Variants in DHX33 observed in about 807,000 individuals in gnomAD.
The protein encoded by DHX33 is ATP-dependent RNA helicase DHX33.
Under a neutral mutation model 72.5 loss-of-function variants are expected in DHX33, and 42 were observed. The observed-to-expected ratio is 0.58, with a 90% CI of 0.45 to 0.75. The LOEUF (loss-of-function observed/expected upper bound fraction) is 0.75. DHX33 is among the 30% of genes least tolerant of loss of function. The pLI is 0.00. For missense variants in DHX33, 842 were observed against 917.5 expected, an observed-to-expected ratio of 0.92 and a Z score of 1.06; for synonymous variants, 358 against 366.1, an observed-to-expected ratio of 0.98 and a Z score of 0.25.
rs765673659 is a variant in DHX33 at position 5,468,752 on chromosome 17, C to A, written c.108G>T (p.Leu36=). ...FPPGRQVVML[L]TAGSGGRGGG... is the part of the protein sequence containing the mutation. ...CTCCTCTGCCGCCGCTGCCCGCAGT[C>A]AGCAGCATCACCACTTGCCTCCCGG... Residue 36 remains leucine, a synonymous_variant, in exon 1 of 12, where the codon CTG becomes CTT. Coordinates refer to ENST00000225296, the MANE Select transcript of DHX33 (RefSeq NM_020162.4). The A allele has an allele frequency of 3.0e-5, 48 of 1,611,024 alleles. 1 individual carries two copies. In the Admixed American group the frequency reaches 7.0e-4, roughly 24 times the overall value.
intron 4 of DHX33, among the ~76,000 whole-genome samples, chr17:5,456,730 A>C (rs187097615): frequency 1.1e-4 from 17 of 152,366 alleles, no homozygotes; most frequent in African/African-American, 3.1e-4. Context: ...GCAAGCAAAT[A>C]AAATCTGCAT....
In DHX33 at chr17:5,468,965, C is replaced by CA; in HGVS notation, c.-107_-106insT. ...CCCCTTCCTCGCCGCCACGTGCTGGCGGCTCCCGGCGACCACCGATGACCT... is the reference window on the plus strand; with the variant it reads ...CCCCTTCCTCGCCGCCACGTGCTGGCAGGCTCCCGGCGACCACCGATGACCT... On this transcript the variant is annotated 5_prime_UTR_variant, in exon 1 of 12. Transcript: ENST00000225296. 3 of 748,206 alleles carry CA rather than the reference C, an allele frequency of 4.0e-6. No homozygotes were observed. The highest frequency in any genetic ancestry group is 1.8e-5 in the South Asian group (1 of 54,964). The allele number at this position is 748,206 out of a possible 1,614,324, so 46.3% of individuals were successfully genotyped here.
Position 5,450,358 on chromosome 17 carries a change from TG to T in DHX33, c.1572del (p.Ile525LeufsTer36), listed in dbSNP as rs781717179. 28 of 1,613,986 alleles carry T rather than the reference TG, an allele frequency of 1.7e-5. No individual in the cohort carries two copies. Among genetic ancestry groups the T allele is most frequent in the Non-Finnish European group, 2.4e-5 (28 of 1,180,040 alleles). Reference sequence around the variant, plus strand: ...CTGTCCACAGACAGCAGGGAGACAATGGTCAGGATCTCCTCTGTACAGTGGA... The same window carrying T: ...CTGTCCACAGACAGCAGGGAGACAATGTCAGGATCTCCTCTGTACAGTGGA... The part of the protein sequence containing the change: ...PKFHCTEEIL[T>X]IVSLLSVDSV... On this transcript the variant is annotated frameshift_variant, in exon 10 of 12. Coordinates refer to ENST00000225296, the MANE Select transcript of DHX33 (RefSeq NM_020162.4). LOFTEE classifies it high-confidence loss of function.
rs987664923 is a variant in DHX33, at chr17:5,444,275, A to G, written c.2054T>C (p.Ile685Thr). 1.2e-6 allele frequency: 2 copies of G among 1,614,128 alleles called. No individual in the cohort carries two copies. Among genetic ancestry groups the G allele is most frequent in the Admixed American group, 3.3e-5 (2 of 60,024 alleles). ...NKCYMRDLCV[I>T]DAQWLYEAAP... is the part of the protein sequence containing the mutation. Reference sequence around the variant, plus strand: ...AGCCTCGTACAGCCACTGTGCATCTATGACGCAGAGGTCCCGCATGTAGCA... The same window carrying G: ...AGCCTCGTACAGCCACTGTGCATCTGTGACGCAGAGGTCCCGCATGTAGCA... Residue 685 changes from isoleucine to threonine, a missense_variant, in exon 12 of 12, where the codon ATA (isoleucine) becomes ACA (threonine). Physicochemically the swap from Ile to Thr is moderately conservative, Grantham distance 89. Transcript: ENST00000225296. The surrounding 1 kb of genome is among the most constrained non-coding windows in gnomAD (Gnocchi z 4.9).
chr17:5,457,425 C>T (rs1481798092), intron 4 of DHX33, among the ~76,000 whole-genome samples: 1 of 151,946 alleles, frequency 6.6e-6, no homozygotes, highest in Non-Finnish European at 1.5e-5. Flanking sequence ...CAGTTTGAGA[C>T]CAGCCTGTCC....
At chr17:5,461,303 CTTCTT>C (rs1567603036) in intron 3 of DHX33, 194 bp from the exon 4 acceptor site, 494 of 432,128 alleles carry the variant, frequency 1.1e-3, no homozygotes, top group Middle Eastern at 2.5e-3. Context: ...CTTTCCTTTC[CTTCTT>C]TTTTTTTTTT....
In DHX33 at chr17:5,455,171, T is replaced by C. The variant is rs951485344; in HGVS notation, c.1136A>G (p.Lys379Arg). 5 of 1,613,576 alleles carry C rather than the reference T, an allele frequency of 3.1e-6. No individual in the cohort carries two copies. The highest frequency in any genetic ancestry group is 1.6e-4 in the Middle Eastern group (1 of 6,062). ...VVDTGMVKAK[K>R]YNPDSGLEVL... ...CTACAAATTCTCACCAGGGTTATAC[T>C]TCTTTGCTTTAACCATGCCCGTGTC... The change falls in exon 6 of 12, where the codon AAG (lysine) becomes AGG (arginine). Residue 379 changes from lysine to arginine, a missense_variant. Transcript: ENST00000225296.
intron 2 of DHX33, 117 bp downstream of exon 2, chr17:5,463,409 ATAG>A: frequency 1.9e-6 from 2 of 1,053,422 alleles, no homozygotes; most frequent in Admixed American, 4.6e-5. Context: ...TCTCGGAAGA[ATAG>A]GCAAGAAAGC....
chr17:5,449,349 C>T (rs942781396), intron 10 of DHX33, among the ~76,000 whole-genome samples: 5 of 152,188 alleles, frequency 3.3e-5, no homozygotes, highest in Non-Finnish European at 5.9e-5. Context: ...AAAAGACCAA[C>T]GACCCAGTAG....
intron 4 of DHX33, among the ~76,000 whole-genome samples, chr17:5,457,953 C>A (rs990957984): frequency 1.3e-5 from 2 of 152,046 alleles, no homozygotes; most frequent in African/African-American, 4.8e-5. Flanking sequence ...AAAGAAAAGG[C>A]AATGAGAGAT....
intron 4 of DHX33, among the ~76,000 whole-genome samples, chr17:5,457,606 CAAAAAAAA>C (rs55832565): frequency 7.3e-5 from 7 of 95,866 alleles, no homozygotes; most frequent in Non-Finnish European, 1.4e-4. Context: ...GACTCCATCT[CAAAAAAAA>C]AAAAAAAAAG....
Position 5,456,158 on chromosome 17 carries a change from G to C in DHX33, c.874C>G (p.Leu292Val). 6.2e-7 allele frequency: 1 copy of C among 1,614,134 alleles called. No homozygotes were observed. Among genetic ancestry groups the C allele is most frequent in the Non-Finnish European group, 8.5e-7 (1 of 1,179,982 alleles). Residue 292 changes from leucine to valine, a missense_variant, in exon 5 of 12, where the codon CTG becomes GTG. Physicochemically the swap from Leu to Val is conservative, Grantham distance 32. Transcript: ENST00000225296. ...HQEAPSSQDI[L>V]VFLTGQEEIE... is the part of the protein sequence containing the mutation. Reference sequence around the variant, plus strand: ...TCCTCCTGCCCAGTGAGGAACACCAGGATGTCCTGTGAAGAAGGGGCTTCC... The same window carrying C: ...TCCTCCTGCCCAGTGAGGAACACCACGATGTCCTGTGAAGAAGGGGCTTCC...
chr17:5,444,033 T>A lies in DHX33; in HGVS notation c.*172A>T. 1 of 699,676 alleles carries A rather than the reference T, an allele frequency of 1.4e-6. No homozygotes were observed. 43.3% of individuals were successfully genotyped at this position (699,676 alleles called of 1,614,324 possible). On this transcript the variant is annotated 3_prime_UTR_variant, in exon 12 of 12. Coordinates refer to ENST00000225296, the MANE Select transcript of DHX33 (RefSeq NM_020162.4). The surrounding 1 kb of genome is among the most constrained non-coding windows in gnomAD (Gnocchi z 4.9). ...TCCAGGTACAAATGATATGTCCATGTCTATATGGTTCAGTCCCAGGAGTTG... is the reference window on the plus strand; with the variant it reads ...TCCAGGTACAAATGATATGTCCATGACTATATGGTTCAGTCCCAGGAGTTG...
chr17:5,452,450 G>C (rs1437154606), intron 8 of DHX33, among the ~76,000 whole-genome samples: 1 of 152,242 alleles, frequency 6.6e-6, no homozygotes, highest in Non-Finnish European at 1.5e-5. Flanking sequence ...TGAGGCAGGA[G>C]AATCACCTGA....
At chr17:5,449,421 T>C (rs1208454588) in intron 10 of DHX33, among the ~76,000 whole-genome samples, 1 of 152,116 alleles carries the variant, frequency 6.6e-6, no homozygotes. Flanking sequence ...AGTCAATTTA[T>C]GTAAGACTTC....
intron 8 of DHX33, among the ~76,000 whole-genome samples, chr17:5,452,669 G>C (rs1916993696): frequency 6.6e-6 from 1 of 152,206 alleles, no homozygotes; most frequent in Non-Finnish European, 1.5e-5. Context: ...AGTGTGCTGA[G>C]AATGTGCCAC....
chr17:5,448,906 G>C lies in DHX33; in HGVS notation c.1729-11C>G. 1 of 1,604,560 alleles carries C rather than the reference G, an allele frequency of 6.2e-7. No homozygotes were observed. The highest frequency in any genetic ancestry group is 8.5e-7 in the Non-Finnish European group (1 of 1,172,252). ...CTCTTTGCACCAATCCTGAATAGGA[G>C]AAAGAGTGATATCACAATCCACTCA... On this transcript the variant is annotated splice_polypyrimidine_tract_variant and intron_variant, in intron 10 of 11. Coordinates refer to ENST00000225296, the MANE Select transcript of DHX33 (RefSeq NM_020162.4).
chr17:5,463,789 G>C lies in DHX33; in HGVS notation c.290-100C>G, dbSNP rs898194295. 5 of 1,197,088 alleles carry C rather than the reference G, an allele frequency of 4.2e-6. No individual in the cohort carries two copies. The African/African-American group carries it at 6.2e-5, about 15-fold the overall frequency. The allele number at this position is 1,197,088 out of a possible 1,614,324, so 74.2% of individuals were successfully genotyped here. A position where few individuals can be genotyped will look rare whatever the true frequency, so the allele number is the denominator to read the frequency against. On this transcript the variant is annotated intron_variant, in intron 1 of 11. Transcript: ENST00000225296. Reference sequence around the variant, plus strand: ...TAATCTCAGCACTTTGGGAGGCCGAGGTAGGAGGCTCTCTTGAGCCCAGGA... The same window carrying C: ...TAATCTCAGCACTTTGGGAGGCCGACGTAGGAGGCTCTCTTGAGCCCAGGA...
At chr17:5,452,458 T>A (rs1916977745) in intron 8 of DHX33, among the ~76,000 whole-genome samples, 1 of 152,234 alleles carries the variant, frequency 6.6e-6, no homozygotes, top group Non-Finnish European at 1.5e-5. Context: ...GAGAATCACC[T>A]GAACCCGGCA....
Sources: allele counts gnomAD v4.1 joint callset (sites outside exome capture counted in the v4.1 genomes callset), GRCh38; gene constraint gnomAD v4.1.1; non-coding constraint Gnocchi (gnomAD v3.1); transcripts MANE v1.5; gene names NCBI Gene and HGNC (gene_info 2026-07-23, HGNC 2026-07-21).